The following HSPH1 variants were observed in gnomAD, a reference collection of about 807,000 sequenced individuals.
HSPH1 encodes the protein heat shock protein family H (Hsp110) member 1.
A neutral mutation model predicts 100.0 loss-of-function variants in HSPH1; 40 were observed. That is an observed-to-expected ratio of 0.40 (90% CI 0.31 to 0.52). HSPH1 has a LOEUF of 0.52. Ranked by LOEUF, HSPH1 falls within the 20% of genes least tolerant of loss-of-function variation. HSPH1 has a pLI of 0.54. For missense variants in HSPH1, 876 were observed against 1,015.1 expected (o/e 0.86, Z 1.86); for synonymous variants, 403 against 344.0 (o/e 1.17, Z -1.90).
chr13:31,150,861 G>C (rs1018890711), intron 7 of HSPH1, 86 bp downstream of exon 7: 31 of 1,340,616 alleles, frequency 2.3e-5, no homozygotes, highest in African/African-American at 2.9e-5. Context: ...TGTAGGCCAA[G>C]ACTCACAACA....
chr13:31,161,430 A>T (rs1485774580), intron 1 of HSPH1, 46 bp downstream of exon 1: 1 of 1,605,270 alleles, frequency 6.2e-7, no homozygotes, highest in Non-Finnish European at 8.5e-7. Context: ...CCCCACACTA[A>T]GGGCCCAGAA....
chr13:31,140,417 T>C lies in HSPH1; in HGVS notation c.1855-108A>G. ...AAAAATGATACAAAACAAATTTTAG[T>C]GTTAACACAGTTCCAACTTATACCT... On this transcript the variant is annotated intron_variant, in intron 13 of 17. Transcript: ENST00000320027. 3 of 1,013,592 alleles carry C rather than the reference T, an allele frequency of 3.0e-6. No homozygotes were observed. In the South Asian group the frequency reaches 5.3e-5, roughly 18 times the overall value. 62.8% of individuals were successfully genotyped at this position (1,013,592 alleles called of 1,614,324 possible). A position where few individuals can be genotyped will look rare whatever the true frequency, so the allele number is the denominator to read the frequency against.
upstream of HSPH1, chr13:31,161,906 A>T: frequency 2.2e-5 from 33 of 1,508,362 alleles, no homozygotes; most frequent in Non-Finnish European, 2.7e-5. Context: ...TACCGACCCA[A>T]AAGGGGAGGT....
chr13:31,161,557 C>T lies in HSPH1; in HGVS notation c.26G>A (p.Gly9Asp). Residue 9 changes from glycine (G) to aspartate (D), a missense_variant, in exon 1 of 18, where the codon GGC becomes GAC. Transcript: ENST00000320027. ...TACCGCGATGTAGCAGCTCTGCGAG[C>T]CCACGTCCAACCCCACCACCGACAT... MSVVGLDV[G>D]SQSCYIAVAR... 6.2e-7 allele frequency: 1 copy of T among 1,613,808 alleles called. No individual in the cohort carries two copies. The highest frequency in any genetic ancestry group is 1.3e-5 in the African/African-American group (1 of 75,022).
At chr13:31,154,910 G>A (rs919271674) in intron 3 of HSPH1, among the ~76,000 whole-genome samples, 155 bp from the exon 4 acceptor site, 1 of 152,048 alleles carries the variant, frequency 6.6e-6, no homozygotes, top group South Asian at 2.1e-4. Context: ...AGGAAAAAGG[G>A]AAGGGGAAGG....
rs1956494040 is a variant in HSPH1 at position 31,151,706 on chromosome 13, G to A, written c.566C>T (p.Pro189Leu). Reference protein sequence around the residue: ...LNYGIYKQDLPSLDEKPRIVV... With the variant: ...LNYGIYKQDLLSLDEKPRIVV... ...TATCCGAGGTTTCTCATCCAGGCTT[G>A]GGAGATCCTGCTTATAAATTCCGTA... The change falls in exon 6 of 18, where the codon CCA becomes CTA. Residue 189 changes from proline to leucine, a missense_variant. Physicochemically the swap from Pro to Leu is moderately conservative, Grantham distance 98. Coordinates refer to ENST00000320027, the MANE Select transcript of HSPH1 (RefSeq NM_006644.4). 6.2e-7 allele frequency: 1 copy of A among 1,611,296 alleles called. No homozygotes were observed. The highest frequency in any genetic ancestry group is 8.5e-7 in the Non-Finnish European group (1 of 1,178,816).
At position 31,151,073 on chromosome 13, in the gene HSPH1, C is replaced by A; in HGVS notation, c.782G>T (p.Arg261Leu). The A allele has an allele frequency of 6.2e-7, 1 of 1,613,734 alleles. No individual in the cohort carries two copies. Among genetic ancestry groups the A allele is most frequent in the South Asian group, 1.1e-5 (1 of 91,054 alleles). ...TTCCTGATACAGACGTAGGAGTGCT[C>A]GTATTTTGGATTTTGCATCCAACTT... ...KYKLDAKSKI[R>L]ALLRLYQECE... The change falls in exon 7 of 18, where the codon CGA becomes CTA. Residue 261 changes from arginine (R) to leucine (L), a missense_variant. Coordinates refer to ENST00000320027, the MANE Select transcript of HSPH1 (RefSeq NM_006644.4).
At chr13:31,137,831 A>T (rs954263000) in intron 17 of HSPH1, among the ~76,000 whole-genome samples, 3 of 152,202 alleles carry the variant, frequency 2.0e-5, no homozygotes, top group Non-Finnish European at 4.4e-5. Flanking sequence ...AGGTTAAGTA[A>T]CTTCAAGATC....
chr13:31,140,553 T>TAAAAAAAAAAA (rs35691238), intron 13 of HSPH1: 1 of 157,698 alleles, frequency 6.3e-6, no homozygotes. Context: ...TATTTAATGC[T>TAAAAAAAAAAA]AAAAAAAAAA....
intron 17 of HSPH1, 90 bp downstream of exon 17, chr13:31,138,317 A>T: frequency 1.7e-6 from 2 of 1,203,324 alleles, no homozygotes; most frequent in Non-Finnish European, 2.4e-6. Flanking sequence ...TAAAAGATTT[A>T]CAGGAAAAAT....
intron 14 of HSPH1, 107 bp downstream of exon 14, chr13:31,140,077 A>C: frequency 8.9e-7 from 1 of 1,120,546 alleles, no homozygotes; most frequent in Non-Finnish European, 1.2e-6. Flanking sequence ...TGTTTCTAAA[A>C]AGTTTAAGTT....
chr13:31,138,985 G>A lies in HSPH1; in HGVS notation c.2088+15C>T. On this transcript the variant is annotated intron_variant, in intron 15 of 17. Coordinates refer to ENST00000320027, the MANE Select transcript of HSPH1 (RefSeq NM_006644.4). ...AAAACACAAGTACCACCTTTTGGGG[G>A]AGAAAACGACCTACCATTAATTCTT... 6.3e-7 allele frequency: 1 copy of A among 1,598,700 alleles called. No individual in the cohort carries two copies. The highest frequency in any genetic ancestry group is 8.6e-7 in the Non-Finnish European group (1 of 1,166,836).
At chr13:31,150,836 C>CA (rs1956461298) in intron 7 of HSPH1, 111 bp downstream of exon 7, 3 of 1,082,008 alleles carry the variant, frequency 2.8e-6, no homozygotes, top group African/African-American at 3.2e-5. Flanking sequence ...AGGCATGTAA[C>CA]ACACAATTCT....
intron 11 of HSPH1, among the ~76,000 whole-genome samples, chr13:31,144,459 T>G (rs1400690438): frequency 6.6e-6 from 1 of 152,204 alleles, no homozygotes. Flanking sequence ...TCCAGCTATT[T>G]ATACCTTAAA....
At position 31,138,900 on chromosome 13, in the gene HSPH1, T is replaced by C. The variant is rs959336063; in HGVS notation, c.2089A>G (p.Lys697Glu). 1 of 1,602,434 alleles carries C rather than the reference T, an allele frequency of 6.2e-7. No homozygotes were observed. The highest frequency in any genetic ancestry group is 8.5e-7 in the Non-Finnish European group (1 of 1,174,422). Residue 697 changes from lysine to glutamate, a missense_variant and splice_region_variant, in exon 16 of 18, where the codon AAA (lysine) becomes GAA (glutamate). Physicochemically the swap from Lys to Glu is moderately conservative, Grantham distance 56. Transcript: ENST00000320027. ...AYVDKLEELM[K>E]IGTPVKVRFQ... The stretch of plus-strand genomic sequence containing the variant: ...CGAACTTTAACTGGAGTGCCAATTT[T>C]CTAAAATAAAATGTAATAAATTAAT...
chr13:31,139,174 G>A (rs1955996581), intron 14 of HSPH1, 67 bp from the exon 15 acceptor site: 5 of 1,019,648 alleles, frequency 4.9e-6, no homozygotes, highest in African/African-American at 1.6e-5. Flanking sequence ...AAAACAAAGA[G>A]GTATTCTCAC....
chr13:31,145,884 C>CCGT (rs1057342769), intron 10 of HSPH1, 116 bp from the exon 11 acceptor site: 10 of 846,292 alleles, frequency 1.2e-5, no homozygotes, highest in Non-Finnish European at 1.9e-5. Flanking sequence ...CTTTGGGAGG[C>CCGT]CGTGGTGGGT....
chr13:31,158,473 C>T (rs777412620), intron 2 of HSPH1, among the ~76,000 whole-genome samples: 12 of 147,916 alleles, frequency 8.1e-5, no homozygotes, highest in African/African-American at 2.5e-4. Flanking sequence ...CGCTTTAACC[C>T]GGGAGGCGGA....
intron 7 of HSPH1, 132 bp downstream of exon 7, chr13:31,150,815 T>C: frequency 1.2e-6 from 1 of 868,570 alleles, no homozygotes; most frequent in African/African-American, 1.7e-5. Context: ...AACAACAGCA[T>C]CTCCAGCCAC....
Sources: gnomAD v4.1 joint callset for allele counts (sites outside exome capture counted in the v4.1 genomes callset) on GRCh38, gnomAD v4.1.1 for gene constraint, MANE v1.5 for transcripts, NCBI Gene and HGNC (gene_info 2026-07-23, HGNC 2026-07-21) for gene names.